UNC13C: variants seen among roughly 807,000 people sequenced by gnomAD.
The protein encoded by UNC13C is protein unc-13 homolog C.
UNC13C carries 174 observed loss-of-function variants against 245.4 expected under a neutral mutation model. The observed-to-expected ratio is 0.71, with a 90% confidence interval of 0.63 to 0.80. UNC13C has a LOEUF of 0.80. Among genes scored for constraint, UNC13C ranks in the 30% least tolerant of loss-of-function variants. The pLI, the probability that UNC13C is intolerant of heterozygous loss-of-function variation, is 0.00. For synonymous variants in UNC13C, 992 were observed against 895.1 expected, an observed-to-expected ratio of 1.11 and a Z score of -1.93; for missense variants, 2,829 against 2,602.9, an observed-to-expected ratio of 1.09 and a Z score of -1.89.
chr15:54,629,383 C>T (rs1901392915), downstream of UNC13C: 1 of 152,048 alleles, frequency 6.6e-6, no homozygotes, highest in African/African-American at 2.4e-5. Flanking sequence ...CCCCGTGACA[C>T]ACAATTTACC....
chr15:54,221,142 AG>A (rs2035212807), intron 4 of UNC13C, among the ~76,000 whole-genome samples: 1 of 152,184 alleles, frequency 6.6e-6, no homozygotes, highest in East Asian at 1.9e-4. Context: ...AAATAACAAA[AG>A]TCTATGTCAT....
At chr15:53,873,896 TTTCCTTCC>T in the UNC13C span, among the ~76,000 whole-genome samples, 4 of 134,170 alleles carry the variant, frequency 3.0e-5, no homozygotes, top group East Asian at 4.5e-4. Context: ...CTTCCTTCTC[TTTCCTTCC>T]TTCCTTCCTT....
intron 19 of UNC13C, among the ~76,000 whole-genome samples, chr15:54,474,721 G>C (rs1373028479): frequency 6.6e-6 from 1 of 151,746 alleles, no homozygotes; most frequent in Non-Finnish European, 1.5e-5. Context: ...ATTTGCACTG[G>C]TATAAGGAAT....
chr15:53,936,756 G>T, the UNC13C span, among the ~76,000 whole-genome samples: 916 of 152,266 alleles, frequency 6.0e-3, 12 homozygotes, highest in African/African-American at 0.021. Flanking sequence ...GTCTGGAGTG[G>T]ACCCCCAGCA....
intron 4 of UNC13C, among the ~76,000 whole-genome samples, chr15:54,229,579 A>T (rs1314575528): frequency 6.6e-6 from 1 of 152,160 alleles, no homozygotes; most frequent in Non-Finnish European, 1.5e-5. Context: ...GAAATGGCAA[A>T]ATCTAGCTGA....
intron 16 of UNC13C, among the ~76,000 whole-genome samples, chr15:54,336,566 T>A (rs192432376): frequency 6.6e-6 from 1 of 152,224 alleles, no homozygotes; most frequent in African/African-American, 2.4e-5. Flanking sequence ...GTGTTTCTTC[T>A]AAAAGATTGG....
At chr15:54,135,497 C>A (rs1183577572) in intron 2 of UNC13C, among the ~76,000 whole-genome samples, 1 of 152,090 alleles carries the variant, frequency 6.6e-6, no homozygotes, top group Non-Finnish European at 1.5e-5. Flanking sequence ...AATAAGGATC[C>A]AATTGTATTC....
chr15:53,994,881 A>G (rs915790906), intron 1 of UNC13C, among the ~76,000 whole-genome samples: 2 of 152,124 alleles, frequency 1.3e-5, no homozygotes, highest in African/African-American at 2.4e-5. Context: ...GAGGGCCTGA[A>G]CTAAGGTGGT....
chr15:54,575,596 A>C (rs1420357514), intron 30 of UNC13C, among the ~76,000 whole-genome samples: 3 of 152,148 alleles, frequency 2.0e-5, no homozygotes, highest in African/African-American at 7.2e-5. Flanking sequence ...TTTTTGGCCA[A>C]GGGCCACCGC....
chr15:54,154,142 CCTAT>C (rs2032642191), intron 4 of UNC13C, among the ~76,000 whole-genome samples: 2 of 151,902 alleles, frequency 1.3e-5, no homozygotes, highest in South Asian at 4.2e-4. Flanking sequence ...TCTTATTTCC[CCTAT>C]CTAACTATAT....
intron 19 of UNC13C, among the ~76,000 whole-genome samples, chr15:54,468,775 C>T (rs957982010): frequency 1.3e-5 from 2 of 151,646 alleles, no homozygotes; most frequent in Non-Finnish European, 3.0e-5. Flanking sequence ...GGATTTATTT[C>T]TGGGCTCTCT....
intron 2 of UNC13C, among the ~76,000 whole-genome samples, chr15:54,121,954 T>C (rs1287878533): frequency 2.0e-5 from 3 of 152,076 alleles, no homozygotes; most frequent in Admixed American, 6.6e-5. Context: ...CATTAAAATA[T>C]GGGCATAGTG....
chr15:54,626,858 T>C lies in UNC13C; in HGVS notation c.6390T>C (p.Ala2130=), dbSNP rs749426677. The change falls in exon 33 of 33, where the codon GCT becomes GCC. Residue 2130 remains alanine, a synonymous_variant. Transcript: ENST00000260323. ...TCGGAAAGGAAAATCGACCAGGGGCTTATGAACTTCATCTCTCAGTTAAGG... is the reference window on the plus strand; with the variant it reads ...TCGGAAAGGAAAATCGACCAGGGGCCTATGAACTTCATCTCTCAGTTAAGG... ...FILGKENRPG[A]YELHLSVKDY... 3 of 1,612,930 alleles carry C rather than the reference T, an allele frequency of 1.9e-6. No homozygotes were observed. Among genetic ancestry groups the C allele is most frequent in the South Asian group, 1.1e-5 (1 of 91,058 alleles).
the UNC13C span, among the ~76,000 whole-genome samples, chr15:53,926,695 CAG>C: frequency 6.6e-6 from 1 of 151,978 alleles, no homozygotes; most frequent in African/African-American, 2.4e-5. Flanking sequence ...GATTCTATGA[CAG>C]CACCACAAAG....
At chr15:54,218,811 CAG>C (rs961882354) in intron 4 of UNC13C, among the ~76,000 whole-genome samples, 2 of 151,826 alleles carry the variant, frequency 1.3e-5, no homozygotes, top group African/African-American at 4.8e-5. Context: ...AGGAGGGGGA[CAG>C]ATGGCAAAAC....
At chr15:54,459,402 C>T (rs948122445) in intron 19 of UNC13C, among the ~76,000 whole-genome samples, 7 of 152,128 alleles carry the variant, frequency 4.6e-5, no homozygotes, top group Admixed American at 2.0e-4. Flanking sequence ...ATGAATTTCC[C>T]AGGTGTTCTT....
intron 17 of UNC13C, among the ~76,000 whole-genome samples, chr15:54,348,613 G>T (rs2038913303): frequency 6.6e-6 from 1 of 152,002 alleles, no homozygotes; most frequent in African/African-American, 2.4e-5. Context: ...AGTCTAAAGG[G>T]GCAACTTACC....
intron 14 of UNC13C, among the ~76,000 whole-genome samples, chr15:54,324,396 C>T (rs1411280932): frequency 6.6e-6 from 1 of 151,974 alleles, no homozygotes; most frequent in African/African-American, 2.4e-5. Flanking sequence ...AATTGTAAAA[C>T]AAATCTTTAA....
At chr15:54,107,870 G>T (rs1342706989) in intron 2 of UNC13C, among the ~76,000 whole-genome samples, 1 of 152,088 alleles carries the variant, frequency 6.6e-6, no homozygotes, top group African/African-American at 2.4e-5. Context: ...ACATCCTTTG[G>T]AAAGAAATTT....
Sources: gnomAD v4.1 joint callset for allele counts (sites outside exome capture counted in the v4.1 genomes callset) on GRCh38, gnomAD v4.1.1 for gene constraint, MANE v1.5 for transcripts, NCBI Gene and HGNC (gene_info 2026-07-23, HGNC 2026-07-21) for gene names.